The following RB1CC1 variants were observed in gnomAD, a reference collection of about 807,000 sequenced individuals.
RB1CC1 encodes RB1-inducible coiled-coil protein 1.
RB1CC1 carries 46 observed loss-of-function variants against 177.5 expected under a neutral mutation model. The ratio of observed to expected loss-of-function variants is 0.26; its 90% confidence interval spans 0.20 to 0.33. The LOEUF is 0.33. RB1CC1 is among the 10% of genes least tolerant of loss of function. RB1CC1 has a pLI of 1.00. For synonymous variants in RB1CC1, 666 were observed against 613.6 expected (o/e 1.09, Z -1.26); for missense variants, 1,703 against 1,816.3 (o/e 0.94, Z 1.13).
intron 20 of RB1CC1, among the ~76,000 whole-genome samples, chr8:52,633,572 A>G (rs748447621): frequency 1.6e-4 from 25 of 152,238 alleles, no homozygotes; most frequent in Non-Finnish European, 3.2e-4. Flanking sequence ...GTCTCACTAC[A>G]AGATATTTTT....
chr8:52,687,442 C>A (rs1329152681), intron 1 of RB1CC1, among the ~76,000 whole-genome samples: 1 of 152,150 alleles, frequency 6.6e-6, no homozygotes. Flanking sequence ...CAAGTGTAGG[C>A]AGGGCCTGTG....
At chr8:52,637,545 C>A (rs1355105363) in intron 18 of RB1CC1, among the ~76,000 whole-genome samples, 1 of 152,156 alleles carries the variant, frequency 6.6e-6, no homozygotes, top group African/African-American at 2.4e-5. Context: ...TCCAACATTA[C>A]TGAACTAGTT....
At chr8:52,633,806 A>C (rs1329823876) in intron 20 of RB1CC1, among the ~76,000 whole-genome samples, 1 of 152,108 alleles carries the variant, frequency 6.6e-6, no homozygotes, top group Admixed American at 6.6e-5. Flanking sequence ...GGTGCAGCAA[A>C]ATTCCAGGCA....
intron 1 of RB1CC1, among the ~76,000 whole-genome samples, chr8:52,688,196 C>T (rs926741779): frequency 2.0e-5 from 3 of 152,034 alleles, no homozygotes; most frequent in Admixed American, 6.6e-5. Flanking sequence ...GAATTAACAG[C>T]GATTTTTAGG....
intron 18 of RB1CC1, among the ~76,000 whole-genome samples, chr8:52,636,337 C>G (rs967458405): frequency 6.6e-6 from 1 of 152,030 alleles, no homozygotes; most frequent in African/African-American, 2.4e-5. Flanking sequence ...TTTTCCCAGG[C>G]ATTAAGAACC....
intron 5 of RB1CC1, among the ~76,000 whole-genome samples, chr8:52,677,580 A>C (rs544347428): frequency 7.8e-4 from 119 of 152,340 alleles, no homozygotes; most frequent in Non-Finnish European, 1.4e-3. Context: ...AGAAAATGTC[A>C]TAAGGTGGAA....
chr8:52,709,512 G>T (rs1856878875), intron 1 of RB1CC1, among the ~76,000 whole-genome samples: 1 of 152,180 alleles, frequency 6.6e-6, no homozygotes, highest in South Asian at 2.1e-4. Flanking sequence ...GCCGAGGTGG[G>T]TGGCTCACTT....
chr8:52,643,728 C>T (rs996690180), intron 16 of RB1CC1, among the ~76,000 whole-genome samples: 3 of 141,298 alleles, frequency 2.1e-5, no homozygotes, highest in Non-Finnish European at 4.6e-5. Flanking sequence ...AATTTACTTA[C>T]AAGATTTTTG....
chr8:52,669,882 ATTGAAAGT>A (rs1451962780), intron 7 of RB1CC1, among the ~76,000 whole-genome samples: 135 of 152,356 alleles, frequency 8.9e-4, no homozygotes, highest in Non-Finnish European at 1.9e-4. Context: ...TTAATAATTC[ATTGAAAGT>A]ATAACTGCAC....
chr8:52,656,730 A>G lies in RB1CC1; in HGVS notation c.3099T>C (p.Ala1033=). 1.2e-6 allele frequency: 2 copies of G among 1,613,608 alleles called. No individual in the cohort carries two copies. The highest frequency in any genetic ancestry group is 8.5e-7 in the Non-Finnish European group (1 of 1,179,834). ...QIINQIQESH[A]EIIQEKEKQL... is the part of the protein sequence containing the mutation. ...GTTTTTCTTTTTCCTGGATAATTTCAGCATGAGATTCTTGTATTTGATTAA... is the reference window on the plus strand; with the variant it reads ...GTTTTTCTTTTTCCTGGATAATTTCGGCATGAGATTCTTGTATTTGATTAA... The change falls in exon 15 of 24, where the codon GCT becomes GCC. Residue 1033 remains alanine, a synonymous_variant. Transcript: ENST00000025008.
intron 20 of RB1CC1, 80 bp downstream of exon 20, chr8:52,634,841 G>A: frequency 8.1e-7 from 1 of 1,237,968 alleles, no homozygotes; most frequent in Non-Finnish European, 1.2e-6. Context: ...TACATCCTCT[G>A]ATGGAATATC....
Position 52,674,044 on chromosome 8 carries a change from T to C in RB1CC1, c.803A>G (p.Asp268Gly). The change falls in exon 7 of 24, where the codon GAT becomes GGT. Residue 268 changes from aspartate to glycine, a missense_variant. Transcript: ENST00000025008. ...FPKSVEHVSP[D>G]TADAESGKEI... The stretch of plus-strand genomic sequence containing the variant: ...TTTGCCACTTTCAGCATCTGCGGTA[T>C]CTGGGGACACATGTTCCACTGACTT... The C allele has an allele frequency of 6.2e-7, 1 of 1,614,190 alleles. No homozygotes were observed. The highest frequency in any genetic ancestry group is 1.1e-5 in the South Asian group (1 of 91,086).
At chr8:52,671,321 C>T (rs926548641) in intron 7 of RB1CC1, among the ~76,000 whole-genome samples, 4 of 152,058 alleles carry the variant, frequency 2.6e-5, no homozygotes, top group South Asian at 2.1e-4. Context: ...TCTGCAAAAA[C>T]GATAGATTTA....
intron 6 of RB1CC1, among the ~76,000 whole-genome samples, chr8:52,675,293 A>G (rs1245933224): frequency 1.3e-5 from 2 of 152,220 alleles, no homozygotes; most frequent in East Asian, 3.8e-4. Context: ...CAAATTTAAA[A>G]AAATCAAAGA....
chr8:52,701,254 C>T (rs1245593815), intron 1 of RB1CC1, among the ~76,000 whole-genome samples: 3 of 152,082 alleles, frequency 2.0e-5, no homozygotes, highest in African/African-American at 7.2e-5. Context: ...TCCCGAGCAG[C>T]TTTGATTACA....
At chr8:52,697,296 A>T (rs1376781691) in intron 1 of RB1CC1, among the ~76,000 whole-genome samples, 2 of 105,490 alleles carry the variant, frequency 1.9e-5, no homozygotes, top group Non-Finnish European at 4.0e-5. Flanking sequence ...AATGGTTACT[A>T]AAAAAAAAAA....
chr8:52,680,995 T>TGTG (rs371708265), intron 5 of RB1CC1, among the ~76,000 whole-genome samples: 67 of 82,638 alleles, frequency 8.1e-4, no homozygotes, highest in Admixed American at 2.2e-3. Flanking sequence ...TGTGTGTGTG[T>TGTG]TTTTTTTTTT....
chr8:52,707,432 C>CTTTTTTT (rs386412758), intron 1 of RB1CC1, among the ~76,000 whole-genome samples: 1 of 128,850 alleles, frequency 7.8e-6, no homozygotes, highest in Non-Finnish European at 1.6e-5. Flanking sequence ...TTCTTTCTTT[C>CTTTTTTT]TTTTTTTTTT....
chr8:52,646,336 C>T (rs1850034538), intron 15 of RB1CC1, among the ~76,000 whole-genome samples: 1 of 152,052 alleles, frequency 6.6e-6, no homozygotes, highest in Non-Finnish European at 1.5e-5. Context: ...AAAACAACAG[C>T]CAAGCACAGT....
Sources: allele counts gnomAD v4.1 joint callset (sites outside exome capture counted in the v4.1 genomes callset), GRCh38; gene constraint gnomAD v4.1.1; transcripts MANE v1.5; gene names NCBI Gene and HGNC (gene_info 2026-07-23, HGNC 2026-07-21).